Variants in APBB1IP observed in about 807,000 individuals in gnomAD.
APBB1IP encodes amyloid beta A4 precursor protein-binding family B member 1-interacting protein.
A neutral mutation model predicts 64.9 loss-of-function variants in APBB1IP; 27 were observed. That is an observed-to-expected ratio of 0.42 (90% CI 0.31 to 0.57). APBB1IP has a LOEUF of 0.57. Ranked by LOEUF, APBB1IP falls within the 20% of genes least tolerant of loss-of-function variation. APBB1IP has a pLI of 0.20. For synonymous variants in APBB1IP, 392 were observed against 331.0 expected, an observed-to-expected ratio of 1.18 and a Z score of -2.00; for missense variants, 812 against 845.5, an observed-to-expected ratio of 0.96 and a Z score of 0.49.
intron 2 of APBB1IP, among the ~76,000 whole-genome samples, chr10:26,467,271 A>G (rs1835660411): frequency 6.6e-6 from 1 of 152,300 alleles, no homozygotes; most frequent in Non-Finnish European, 1.5e-5. Context: ...CATGCTTGAC[A>G]TGAAGCAAAA....
intron 2 of APBB1IP, among the ~76,000 whole-genome samples, chr10:26,448,388 C>A (rs1403279392): frequency 1.3e-5 from 2 of 152,140 alleles, no homozygotes; most frequent in Admixed American, 6.5e-5. Context: ...CTAAGTCTTG[C>A]AAATCCAGTG....
chr10:26,540,580 G>T (rs1836684767), intron 10 of APBB1IP, among the ~76,000 whole-genome samples: 1 of 152,076 alleles, frequency 6.6e-6, no homozygotes, highest in South Asian at 2.1e-4. Flanking sequence ...ACATCCAGAA[G>T]AAAATATCTT....
At chr10:26,513,394 A>C in intron 7 of APBB1IP, 145 bp from the exon 8 acceptor site, 1 of 807,454 alleles carries the variant, frequency 1.2e-6, no homozygotes, top group African/African-American at 1.8e-5. Flanking sequence ...TAGAAATGTT[A>C]CAGTGTGGCA....
chr10:26,559,906 C>T lies in APBB1IP; in HGVS notation c.1156-199C>T, dbSNP rs559609963. 5.3e-5 allele frequency among the ~76,000 whole-genome samples: 8 copies of T among 152,212 alleles called. No homozygotes were observed. The East Asian group carries it at 1.5e-3, about 29-fold the overall frequency. ...TGATCTGCTCGCCTCGGCCTCCCAACATATAACAAATTTCTTAAATCCTTT... is the reference window on the plus strand; with the variant it reads ...TGATCTGCTCGCCTCGGCCTCCCAATATATAACAAATTTCTTAAATCCTTT... On this transcript the variant is annotated intron_variant, in intron 11 of 14. Transcript: ENST00000376236.
chr10:26,470,224 A>G (rs1405330672), intron 2 of APBB1IP, among the ~76,000 whole-genome samples: 4 of 152,222 alleles, frequency 2.6e-5, no homozygotes, highest in Admixed American at 6.5e-5. Flanking sequence ...ATTACATAAG[A>G]TGTTCAACTC....
chr10:26,447,142 G>C (rs1312221448), intron 2 of APBB1IP, among the ~76,000 whole-genome samples: 1 of 152,016 alleles, frequency 6.6e-6, no homozygotes, highest in Non-Finnish European at 1.5e-5. Context: ...GGGAGGCTGA[G>C]GAGGGCAGAT....
chr10:26,462,760 T>C (rs1364489618), intron 2 of APBB1IP, among the ~76,000 whole-genome samples: 1 of 152,188 alleles, frequency 6.6e-6, no homozygotes, highest in Non-Finnish European at 1.5e-5. Flanking sequence ...AAGACAGCAA[T>C]TGGAATTTCT....
intron 2 of APBB1IP, among the ~76,000 whole-genome samples, chr10:26,486,619 G>T (rs573761432): frequency 1.3e-5 from 2 of 152,184 alleles, no homozygotes; most frequent in Admixed American, 1.3e-4. Context: ...CCTCATCCAG[G>T]TCCAAAATTC....
chr10:26,505,898 C>T (rs148552387), intron 6 of APBB1IP, among the ~76,000 whole-genome samples: 450 of 152,246 alleles, frequency 3.0e-3, no homozygotes, highest in African/African-American at 9.5e-3. Flanking sequence ...ACACGTGAAG[C>T]CAGAATGAAT....
chr10:26,459,609 G>A (rs759684000), intron 2 of APBB1IP, among the ~76,000 whole-genome samples: 9 of 152,078 alleles, frequency 5.9e-5, no homozygotes, highest in East Asian at 1.9e-4. Context: ...GTTGTTTCCC[G>A]ACTTTTTTAT....
chr10:26,443,895 A>C (rs1272609384), intron 2 of APBB1IP, among the ~76,000 whole-genome samples: 1 of 152,162 alleles, frequency 6.6e-6, no homozygotes, highest in East Asian at 1.9e-4. Context: ...GCTAAGCACT[A>C]TTATAGACGC....
At chr10:26,444,075 G>A (rs1835366017) in intron 2 of APBB1IP, among the ~76,000 whole-genome samples, 1 of 152,186 alleles carries the variant, frequency 6.6e-6, no homozygotes, top group Non-Finnish European at 1.5e-5. Flanking sequence ...GTCAGGCTGG[G>A]CCCTTTCGTT....
chr10:26,462,880 C>T (rs954416042), intron 2 of APBB1IP, among the ~76,000 whole-genome samples: 2 of 152,058 alleles, frequency 1.3e-5, no homozygotes, highest in South Asian at 2.1e-4. Context: ...TGTTTGATGA[C>T]CCCGATTGTC....
chr10:26,500,923 T>G lies in APBB1IP; in HGVS notation c.265T>G (p.Ser89Ala). 1 of 1,613,766 alleles carries G rather than the reference T, an allele frequency of 6.2e-7. No homozygotes were observed. The highest frequency in any genetic ancestry group is 1.1e-5 in the South Asian group (1 of 91,050). ...EQRTIQAQKE[S>A]LQNQHHSASL... ...GAGGACAATCCAGGCACAGAAAGAG[T>G]CCTTGCAGAATCAACATCATTCAGC... is the stretch of plus-strand genomic sequence containing the variant. Residue 89 changes from serine to alanine, a missense_variant, in exon 5 of 15, where the codon TCC (serine) becomes GCC (alanine). Transcript: ENST00000376236.
At chr10:26,502,336 G>T (rs987628812) in intron 5 of APBB1IP, among the ~76,000 whole-genome samples, 2 of 152,104 alleles carry the variant, frequency 1.3e-5, no homozygotes, top group Admixed American at 6.5e-5. Flanking sequence ...TTGGTGAATT[G>T]TAAGTTTAAA....
chr10:26,443,168 C>A lies in APBB1IP; in HGVS notation c.-1+4315C>A, dbSNP rs535480176. The stretch of plus-strand genomic sequence containing the variant: ...CGGGCGTGGTGGCTCACACTGGTAA[C>A]CCCAGCACTTTGGGAGGCTGAGGCA... On this transcript the variant is annotated intron_variant, in intron 2 of 14. Coordinates refer to ENST00000376236, the MANE Select transcript of APBB1IP (RefSeq NM_019043.4). 2.6e-5 allele frequency among the ~76,000 whole-genome samples: 4 copies of A among 152,132 alleles called. No homozygotes were observed. The East Asian group carries it at 7.7e-4, about 29-fold the overall frequency.
At chr10:26,482,090 G>A (rs952589992) in intron 2 of APBB1IP, among the ~76,000 whole-genome samples, 2 of 151,986 alleles carry the variant, frequency 1.3e-5, no homozygotes, top group Admixed American at 6.6e-5. Flanking sequence ...AATTTTGTTT[G>A]TGACTCACTG....
chr10:26,482,459 A>G (rs1299695063), intron 2 of APBB1IP, among the ~76,000 whole-genome samples: 1 of 152,190 alleles, frequency 6.6e-6, no homozygotes, highest in Non-Finnish European at 1.5e-5. Context: ...GAATCAGGTA[A>G]AATTCAATAT....
chr10:26,478,607 T>G (rs1835802193), intron 2 of APBB1IP, among the ~76,000 whole-genome samples: 1 of 128,964 alleles, frequency 7.8e-6, no homozygotes, highest in African/African-American at 2.7e-5. Context: ...AGAGCGAGAC[T>G]CCGTCTCAAA....
Sources: gnomAD v4.1 joint callset for allele counts (sites outside exome capture counted in the v4.1 genomes callset) on GRCh38, gnomAD v4.1.1 for gene constraint, MANE v1.5 for transcripts, NCBI Gene and HGNC (gene_info 2026-07-23, HGNC 2026-07-21) for gene names.